Variants in MAPKAP1 observed in about 807,000 individuals in gnomAD.
MAPKAP1 encodes the protein MAPK associated protein 1.
A neutral mutation model predicts 65.7 loss-of-function variants in MAPKAP1; 20 were observed. The ratio of observed to expected loss-of-function variants is 0.30; its 90% CI spans 0.21 to 0.44. The LOEUF (loss-of-function observed/expected upper bound fraction) is 0.44. Among genes scored for constraint, MAPKAP1 ranks in the 20% least tolerant of loss-of-function variants. The probability of loss-of-function intolerance (pLI) is 1.00; values close to 1 mark genes in which losing one functional copy is unlikely to be tolerated. For synonymous variants in MAPKAP1, 222 were observed against 244.3 expected (o/e 0.91, Z 0.85); for missense variants, 423 against 648.0 (o/e 0.65, Z 3.77).
chr9:125,657,607 A>T, intron 4 of MAPKAP1, 44 bp downstream of exon 4: 1 of 1,526,218 alleles, frequency 6.6e-7, no homozygotes, highest in Non-Finnish European at 8.9e-7. Flanking sequence ...AACTCCACTC[A>T]ATTACAGTTT....
chr9:125,642,672 C>T (rs1321147184), intron 4 of MAPKAP1, among the ~76,000 whole-genome samples: 1 of 152,168 alleles, frequency 6.6e-6, no homozygotes, highest in Admixed American at 6.5e-5. Flanking sequence ...AAGGTAGCAA[C>T]CCCAAATCCC....
intron 10 of MAPKAP1, among the ~76,000 whole-genome samples, chr9:125,459,034 C>G (rs1309849592): frequency 7.9e-6 from 1 of 126,610 alleles, no homozygotes; most frequent in Admixed American, 7.8e-5. Flanking sequence ...GGCTGCCGGG[C>G]GGAGGGGCTC....
intron 1 of MAPKAP1, among the ~76,000 whole-genome samples, chr9:125,702,227 T>C (rs1045241177): frequency 1.3e-5 from 2 of 151,916 alleles, no homozygotes; most frequent in African/African-American, 4.8e-5. Context: ...ATAGACACCA[T>C]CTCTACAAAA....
intron 10 of MAPKAP1, among the ~76,000 whole-genome samples, chr9:125,465,245 A>G (rs974361056): frequency 2.6e-5 from 4 of 152,258 alleles, no homozygotes; most frequent in African/African-American, 9.6e-5. Context: ...ACAATTTTTG[A>G]TGTAAACTCA....
intron 5 of MAPKAP1, among the ~76,000 whole-genome samples, chr9:125,575,018 G>A (rs1831350085): frequency 6.6e-6 from 1 of 152,196 alleles, no homozygotes; most frequent in Admixed American, 6.5e-5. Context: ...AGTACAGAAA[G>A]ATGTTAACAC....
chr9:125,514,629 A>T (rs1246521228), intron 7 of MAPKAP1, among the ~76,000 whole-genome samples: 1 of 152,072 alleles, frequency 6.6e-6, no homozygotes, highest in African/African-American at 2.4e-5. Flanking sequence ...TTCAAGGAGG[A>T]GCTGAGGCTG....
chr9:125,496,291 G>A (rs1182247993), intron 8 of MAPKAP1, among the ~76,000 whole-genome samples: 1 of 152,220 alleles, frequency 6.6e-6, no homozygotes, highest in Non-Finnish European at 1.5e-5. Context: ...GAGCTATTAT[G>A]CAATATCGAC....
At chr9:125,580,040 G>A (rs945693702) in intron 5 of MAPKAP1, among the ~76,000 whole-genome samples, 13 of 152,204 alleles carry the variant, frequency 8.5e-5, no homozygotes, top group Admixed American at 3.3e-4. Flanking sequence ...AAAACAACAG[G>A]TGCTGGAGAG....
intron 1 of MAPKAP1, among the ~76,000 whole-genome samples, chr9:125,692,812 A>G (rs1440816302): frequency 2.6e-5 from 4 of 152,248 alleles, no homozygotes; most frequent in Non-Finnish European, 4.4e-5. Context: ...AAATTTTTAA[A>G]CAATCTGTAA....
intron 4 of MAPKAP1, among the ~76,000 whole-genome samples, chr9:125,623,315 G>A (rs1397152675): frequency 2.8e-5 from 2 of 72,444 alleles, no homozygotes; most frequent in African/African-American, 5.0e-5. Context: ...AGTGAGGAGC[G>A]TCTCCGCCCG....
At chr9:125,519,490 G>C (rs1829558040) in intron 7 of MAPKAP1, among the ~76,000 whole-genome samples, 1 of 151,712 alleles carries the variant, frequency 6.6e-6, no homozygotes, top group Non-Finnish European at 1.5e-5. Flanking sequence ...AAATTAGCCT[G>C]GTATGGTAGC....
chr9:125,541,663 G>C (rs10986788), intron 7 of MAPKAP1, among the ~76,000 whole-genome samples: 42,222 of 151,974 alleles, frequency 0.28, 6,759 homozygotes, highest in Non-Finnish European at 0.36. Context: ...AAAGAAGTTT[G>C]ACCCCCACGC....
At chr9:125,577,129 GC>G (rs1831435396) in intron 5 of MAPKAP1, among the ~76,000 whole-genome samples, 1 of 151,768 alleles carries the variant, frequency 6.6e-6, no homozygotes, top group African/African-American at 2.4e-5. Flanking sequence ...TCTCTGCCCG[GC>G]CGCCCATCGT....
intron 10 of MAPKAP1, among the ~76,000 whole-genome samples, chr9:125,459,975 C>T (rs1201704584): frequency 6.6e-6 from 1 of 152,116 alleles, no homozygotes; most frequent in East Asian, 1.9e-4. Context: ...CTAAGCTCTC[C>T]ATTTATTTAT....
chr9:125,504,453 G>A (rs7859768), intron 8 of MAPKAP1, among the ~76,000 whole-genome samples: 13,481 of 152,038 alleles, frequency 0.089, 1,136 homozygotes, highest in African/African-American at 0.23. Flanking sequence ...CATGCTCGGC[G>A]GAAGAGGCTG....
chr9:125,506,265 G>T, intron 8 of MAPKAP1, 45 bp downstream of exon 8: 1 of 1,529,300 alleles, frequency 6.5e-7, no homozygotes, highest in Non-Finnish European at 9.1e-7. Context: ...TTCTAAGCAA[G>T]TTTGCAACGG....
At chr9:125,614,859 T>G (rs1473823818) in intron 4 of MAPKAP1, among the ~76,000 whole-genome samples, 1 of 152,106 alleles carries the variant, frequency 6.6e-6, no homozygotes, top group East Asian at 1.9e-4. Context: ...TCCTTTGATA[T>G]CAGAAGCAAG....
At chr9:125,546,067 T>C (rs1447168243) in intron 6 of MAPKAP1, among the ~76,000 whole-genome samples, 1 of 152,242 alleles carries the variant, frequency 6.6e-6, no homozygotes, top group Non-Finnish European at 1.5e-5. Flanking sequence ...GTGATCATTC[T>C]GAGGTAACTT....
chr9:125,594,647 G>A (rs1012424929), intron 4 of MAPKAP1, among the ~76,000 whole-genome samples: 3 of 152,048 alleles, frequency 2.0e-5, no homozygotes, highest in African/African-American at 7.2e-5. Context: ...CTAACAATTT[G>A]ATTTGCACAG....
Sources: gnomAD v4.1 joint callset for allele counts (sites outside exome capture counted in the v4.1 genomes callset) on GRCh38, gnomAD v4.1.1 for gene constraint, MANE v1.5 for transcripts, NCBI Gene and HGNC (gene_info 2026-07-23, HGNC 2026-07-21) for gene names.